Variants in GRK3 observed in about 807,000 individuals in gnomAD.
GRK3 encodes G protein-coupled receptor kinase 3.
A neutral mutation model predicts 95.7 loss-of-function variants in GRK3; 54 were observed. The ratio of observed to expected loss-of-function variants is 0.56; its 90% CI spans 0.45 to 0.71. The LOEUF is 0.71. GRK3 is among the 30% of genes least tolerant of loss of function. GRK3 has a pLI of 0.00. For missense variants in GRK3, 649 were observed against 851.2 expected, an observed-to-expected ratio of 0.76 and a Z score of 2.96; for synonymous variants, 281 against 290.8, an observed-to-expected ratio of 0.97 and a Z score of 0.34.
chr22:25,648,469 G>T, intron 3 of GRK3: 1 of 1,357,906 alleles, frequency 7.4e-7, no homozygotes, highest in Non-Finnish European at 1.1e-6. Context: ...GGATGTTTTG[G>T]CAAAGTGTGG....
At chr22:25,713,405 A>G (rs925806875) in intron 17 of GRK3, among the ~76,000 whole-genome samples, 10 of 152,200 alleles carry the variant, frequency 6.6e-5, no homozygotes, top group African/African-American at 2.2e-4. Context: ...ATTATAATAG[A>G]TCAATGAGAC....
chr22:25,698,135 G>A (rs374235722), intron 13 of GRK3, among the ~76,000 whole-genome samples: 1 of 145,400 alleles, frequency 6.9e-6, no homozygotes, highest in Non-Finnish European at 1.5e-5. Flanking sequence ...GGAGGAAGGA[G>A]AGGGAGGAAG....
chr22:25,565,494 C>A (rs1321122615), intron 1 of GRK3, among the ~76,000 whole-genome samples: 2 of 152,160 alleles, frequency 1.3e-5, no homozygotes, highest in Admixed American at 1.3e-4. Flanking sequence ...CTGTCCCATC[C>A]CCGTGGTTCT....
chr22:25,647,020 C>CAAAAAAAAAAAAAAA (rs1025786169), intron 3 of GRK3, among the ~76,000 whole-genome samples: 22 of 53,880 alleles, frequency 4.1e-4, no homozygotes, highest in East Asian at 1.7e-3. Context: ...GACTTTGTCT[C>CAAAAAAAAAAAAAAA]AAAAAAAAAA....
chr22:25,726,496 C>T lies in GRK3; in HGVS notation c.*4046C>T, dbSNP rs186070640. The T allele has an allele frequency of 5.3e-5, 8 of 152,280 alleles. No individual in the cohort carries two copies. The East Asian group carries it at 1.5e-3, about 29-fold the overall frequency. The allele number at this position is 152,280 out of a possible 1,614,324, so 9.4% of individuals were successfully genotyped here. On this transcript the variant is annotated 3_prime_UTR_variant, in exon 21 of 21. Transcript: ENST00000324198. ...AGATGCTTGATGAATTAACACCTCC[C>T]ACCCTGAGTGAGGGGTTGACTTGTT...
At chr22:25,720,974 T>A (rs546222616) in intron 19 of GRK3, among the ~76,000 whole-genome samples, 45 of 152,338 alleles carry the variant, frequency 3.0e-4, no homozygotes, top group African/African-American at 1.1e-3. Flanking sequence ...AGAATGTATA[T>A]GAGTGTGCCA....
intron 7 of GRK3, among the ~76,000 whole-genome samples, chr22:25,672,974 A>C (rs1163738342): frequency 6.9e-6 from 1 of 145,980 alleles, no homozygotes; most frequent in Non-Finnish European, 1.5e-5. Context: ...CTCCCTTCTC[A>C]TAGGCTTGCA....
intron 5 of GRK3, among the ~76,000 whole-genome samples, chr22:25,667,330 A>G (rs2084948914): frequency 6.6e-6 from 1 of 152,246 alleles, no homozygotes; most frequent in Non-Finnish European, 1.5e-5. Context: ...TGTGGGGCCC[A>G]GTGCAACGTG....
chr22:25,675,324 C>G lies in GRK3; in HGVS notation c.647+796C>G, dbSNP rs75359868. On this transcript the variant is annotated intron_variant, in intron 8 of 20. Coordinates refer to ENST00000324198, the MANE Select transcript of GRK3 (RefSeq NM_005160.4). ...GAGGAAGCCCTGTGGACAATGATCA[C>G]CGATCATGGGCTCCATCACTCACCT... Among the ~76,000 whole-genome samples, 3 of 152,226 alleles carry G rather than the reference C, an allele frequency of 2.0e-5. No homozygotes were observed. In the East Asian group the frequency reaches 5.8e-4, roughly 29 times the overall value.
At chr22:25,601,346 T>C (rs1195664736) in intron 1 of GRK3, among the ~76,000 whole-genome samples, 1 of 152,080 alleles carries the variant, frequency 6.6e-6, no homozygotes, top group Non-Finnish European at 1.5e-5. Context: ...TAAAATTTAA[T>C]AACAGAAAGA....
chr22:25,655,685 TG>T (rs1601505294), intron 3 of GRK3, among the ~76,000 whole-genome samples: 1 of 152,146 alleles, frequency 6.6e-6, no homozygotes, highest in Admixed American at 6.5e-5. Context: ...CTGTGGGATA[TG>T]GGGCAAGTCA....
chr22:25,709,182 C>T (rs1051865449), intron 15 of GRK3, among the ~76,000 whole-genome samples: 12 of 152,008 alleles, frequency 7.9e-5, no homozygotes, highest in African/African-American at 1.7e-4. Context: ...GGATTACAGG[C>T]GCCCGTCACC....
intron 19 of GRK3, among the ~76,000 whole-genome samples, chr22:25,719,374 G>A (rs780107132): frequency 6.6e-6 from 1 of 152,056 alleles, no homozygotes; most frequent in African/African-American, 2.4e-5. Flanking sequence ...TCCATTGTAC[G>A]GCCTCTCCTA....
In GRK3 at chr22:25,648,163, G is replaced by A. The variant is rs554843380; in HGVS notation, c.264+3498G>A. 1.6e-4 allele frequency: 108 copies of A among 676,796 alleles called. 3 individuals carry two copies. The South Asian group carries it at 1.7e-3, about 10-fold the overall frequency. The allele number at this position is 676,796 out of a possible 1,614,324, so 41.9% of individuals were successfully genotyped here. On this transcript the variant is annotated intron_variant, in intron 3 of 20. Transcript: ENST00000324198. ...AACAAAACAAAACAAAAACGAGAGAGCGAAACTACTAAAGGTGCTTATTCC... is the reference window on the plus strand; with the variant it reads ...AACAAAACAAAACAAAAACGAGAGAACGAAACTACTAAAGGTGCTTATTCC...
chr22:25,601,677 A>AT (rs1191895452), intron 1 of GRK3, among the ~76,000 whole-genome samples: 1 of 152,158 alleles, frequency 6.6e-6, no homozygotes, highest in Non-Finnish European at 1.5e-5. Flanking sequence ...AGACCTGCAC[A>AT]TACTTAGTGT....
chr22:25,639,546 G>A (rs544686069), intron 2 of GRK3, among the ~76,000 whole-genome samples: 3 of 152,200 alleles, frequency 2.0e-5, no homozygotes, highest in African/African-American at 7.2e-5. Context: ...TCAATCTAAT[G>A]TATTGATTAA....
intron 19 of GRK3, among the ~76,000 whole-genome samples, chr22:25,721,078 C>CTCTGCA (rs2085428745): frequency 6.6e-6 from 1 of 152,170 alleles, no homozygotes; most frequent in South Asian, 2.1e-4. Flanking sequence ...ACATTGCTTT[C>CTCTGCA]TCTGCAGTTT....
intron 18 of GRK3, among the ~76,000 whole-genome samples, chr22:25,717,454 T>A (rs936127626): frequency 2.6e-5 from 4 of 152,194 alleles, no homozygotes; most frequent in Non-Finnish European, 4.4e-5. Flanking sequence ...ACTTATGGTC[T>A]GAAACACTCA....
intron 19 of GRK3, 87 bp from the exon 20 acceptor site, chr22:25,721,197 T>TA (rs1231363810): frequency 4.6e-5 from 29 of 633,004 alleles, no homozygotes; most frequent in Middle Eastern, 3.7e-4. Context: ...TTTCTTTTTT[T>TA]ACTTGTTCTA....
Sources: allele counts gnomAD v4.1 joint callset (sites outside exome capture counted in the v4.1 genomes callset), GRCh38; gene constraint gnomAD v4.1.1; transcripts MANE v1.5; gene names NCBI Gene and HGNC (gene_info 2026-07-23, HGNC 2026-07-21).